Variants in RBM38 observed in about 807,000 individuals in gnomAD.
The protein encoded by RBM38 is RNA binding motif protein 38.
Under a neutral mutation model 23.5 loss-of-function variants are expected in RBM38, and 11 were observed. That is an observed-to-expected ratio of 0.47 (90% confidence interval 0.29 to 0.77). The LOEUF (loss-of-function observed/expected upper bound fraction) is 0.77. RBM38 is among the 30% of genes least tolerant of loss of function. The pLI is 0.08. For synonymous variants in RBM38, 165 were observed against 166.1 expected, an observed-to-expected ratio of 0.99 and a Z score of 0.05; for missense variants, 330 against 351.9, an observed-to-expected ratio of 0.94 and a Z score of 0.50.
At chr20:57,397,266 C>A (rs752804898) in intron 3 of RBM38, among the ~76,000 whole-genome samples, 4 of 152,212 alleles carry the variant, frequency 2.6e-5, no homozygotes, top group Non-Finnish European at 5.9e-5. Flanking sequence ...TGATTGATTA[C>A]CTGTGCAAAA....
At chr20:57,406,868 C>T (rs1481227254) in intron 3 of RBM38, among the ~76,000 whole-genome samples, 3 of 152,070 alleles carry the variant, frequency 2.0e-5, no homozygotes, top group Non-Finnish European at 4.4e-5. Flanking sequence ...GTGGCGGGCA[C>T]CTGTAGTCCC....
chr20:57,397,998 CAT>C (rs1377326690), intron 3 of RBM38, among the ~76,000 whole-genome samples: 1 of 152,130 alleles, frequency 6.6e-6, no homozygotes, highest in Non-Finnish European at 1.5e-5. Flanking sequence ...CTACACATGA[CAT>C]GTAAGAATGT....
In RBM38 at chr20:57,391,731, C is replaced by G; in HGVS notation, c.150C>G (p.Leu50=). The change falls in exon 1 of 4, where the codon CTC becomes CTG. Residue 50 remains leucine (L), a synonymous_variant. Coordinates refer to ENST00000356208, the MANE Select transcript of RBM38 (RefSeq NM_017495.6). The stretch of plus-strand genomic sequence containing the variant: ...CGTACCACACTACCGACGCCTCGCT[C>G]AGGAAGTACTTCGAGGGCTTCGGCG... ...GLPYHTTDAS[L]RKYFEGFGDI... 1 of 1,561,394 alleles carries G rather than the reference C, an allele frequency of 6.4e-7. No individual in the cohort carries two copies.
chr20:57,395,525 C>CT (rs958607276), intron 3 of RBM38, among the ~76,000 whole-genome samples: 4 of 152,214 alleles, frequency 2.6e-5, no homozygotes, highest in African/African-American at 9.7e-5. Flanking sequence ...GCCGCAGACT[C>CT]TATTTGTTGG....
rs894373349 is a variant in RBM38, at chr20:57,393,604, A to G, written c.416+271A>G. ...GTGTGGCCTCAGTTTCCTCACCCGTAAAATGGGAGTGGTCACAGCACATCT... is the reference window on the plus strand; with the variant it reads ...GTGTGGCCTCAGTTTCCTCACCCGTGAAATGGGAGTGGTCACAGCACATCT... On this transcript the variant is annotated intron_variant, in intron 3 of 3. Coordinates refer to ENST00000356208, the MANE Select transcript of RBM38 (RefSeq NM_017495.6). 2.6e-5 allele frequency among the ~76,000 whole-genome samples: 4 copies of G among 152,194 alleles called. No homozygotes were observed. The South Asian group carries it at 8.3e-4, about 31-fold the overall frequency.
At chr20:57,405,175 G>T (rs970636717) in intron 3 of RBM38, among the ~76,000 whole-genome samples, 4 of 152,212 alleles carry the variant, frequency 2.6e-5, no homozygotes, top group African/African-American at 9.7e-5. Context: ...ACAGCCCTCT[G>T]CTGTCTTGAC....
chr20:57,404,150 G>A (rs6025535), intron 3 of RBM38, among the ~76,000 whole-genome samples: 4,720 of 152,276 alleles, frequency 0.031, 225 homozygotes, highest in African/African-American at 0.1. Context: ...ATCAGAACCC[G>A]ATAGAAATGA....
rs571965366 is a variant in RBM38, at chr20:57,407,989, C to G, written c.*143C>G. 1 of 970,226 alleles carries G rather than the reference C, an allele frequency of 1.0e-6. No individual in the cohort carries two copies. Among genetic ancestry groups the G allele is most frequent in the Admixed American group, 2.7e-5 (1 of 37,314 alleles). 60.1% of individuals were successfully genotyped at this position (970,226 alleles called of 1,614,324 possible). A position where few individuals can be genotyped will look rare whatever the true frequency, so the allele number is the denominator to read the frequency against. On this transcript the variant is annotated 3_prime_UTR_variant, in exon 4 of 4. Transcript: ENST00000356208. This position sits in a 1 kb window ranked among gnomAD's most constrained non-coding sequence, Gnocchi z 4.0. Reference sequence around the variant, plus strand: ...TGCCTCCGAAGACCGCTCGGGCATTCCGCCTGCGCCCTGGGACAGCGGAGA... The same window carrying G: ...TGCCTCCGAAGACCGCTCGGGCATTGCGCCTGCGCCCTGGGACAGCGGAGA...
At chr20:57,397,322 A>G (rs1485641385) in intron 3 of RBM38, among the ~76,000 whole-genome samples, 1 of 152,240 alleles carries the variant, frequency 6.6e-6, no homozygotes, top group Non-Finnish European at 1.5e-5. Context: ...CACACATCCC[A>G]GGATGGTGGG....
intron 3 of RBM38, among the ~76,000 whole-genome samples, chr20:57,400,881 T>G (rs999510053): frequency 6.6e-6 from 1 of 152,186 alleles, no homozygotes; most frequent in South Asian, 2.1e-4. Flanking sequence ...TCCTTTGAGG[T>G]TACAGCTGGG....
At position 57,399,541 on chromosome 20, in the gene RBM38, CTG is replaced by C. The variant is rs1321030461; in HGVS notation, c.416+6209_416+6210del. ...AAATGGGAGATGGGCTTGGCCCTGA[CTG>C]GGGTGGAGGCAGCTGTGCAGTACAG... On this transcript the variant is annotated intron_variant, in intron 3 of 3. Transcript: ENST00000356208. Among the ~76,000 whole-genome samples the C allele has an allele frequency of 3.9e-5, 6 of 152,300 alleles. No individual in the cohort carries two copies. In the East Asian group the frequency reaches 1.2e-3, roughly 29 times the overall value.
In RBM38 at chr20:57,392,783, A is replaced by G; in HGVS notation, c.361+6A>G. ...GCCGCGGAGCCTCCAGACGGGTGAG[A>G]GCTTGTGTTTTCCTGCCTGGCTCTT... On this transcript the variant is annotated splice_donor_region_variant and intron_variant, in intron 2 of 3. Coordinates refer to ENST00000356208, the MANE Select transcript of RBM38 (RefSeq NM_017495.6). 2.5e-6 allele frequency: 4 copies of G among 1,610,628 alleles called. No individual in the cohort carries two copies. Among genetic ancestry groups the G allele is most frequent in the Non-Finnish European group, 3.4e-6 (4 of 1,179,118 alleles).
intron 1 of RBM38, among the ~76,000 whole-genome samples, chr20:57,392,071 G>C (rs1382550678): frequency 7.8e-6 from 1 of 128,228 alleles, no homozygotes; most frequent in Admixed American, 9.1e-5. Flanking sequence ...GAGCCGCTGT[G>C]TTCAATTAGG....
Position 57,391,682 on chromosome 20 carries a change from C to T in RBM38, c.101C>T (p.Thr34Ile), listed in dbSNP as rs1195836860. 1.3e-6 allele frequency: 2 copies of T among 1,514,442 alleles called. No homozygotes were observed. The highest frequency in any genetic ancestry group is 1.8e-6 in the Non-Finnish European group (2 of 1,128,714). 93.8% of individuals were successfully genotyped at this position (1,514,442 alleles called of 1,614,324 possible). ...MHGSQKDTTFTKIFVGGLPYH... is the reference protein window; with the variant it reads ...MHGSQKDTTFIKIFVGGLPYH... ...GGCTCGCAGAAGGACACCACGTTCA[C>T]CAAGATCTTCGTGGGCGGCCTGCCG... The change falls in exon 1 of 4, where the codon ACC becomes ATC. Residue 34 changes from threonine to isoleucine, a missense_variant. Thr to Ile is a moderately conservative substitution (Grantham distance 89). Coordinates refer to ENST00000356208, the MANE Select transcript of RBM38 (RefSeq NM_017495.6).
rs368322258 is a variant in RBM38, at chr20:57,407,733, G to A, written c.607G>A (p.Val203Met). The change falls in exon 4 of 4, where the codon GTG becomes ATG. Residue 203 changes from valine to methionine, a missense_variant. Physicochemically the swap from Val to Met is conservative, Grantham distance 21. Around this residue, in one of 3 missense-constraint regions of RBM38, gnomAD observed 227 missense variants for 216.4 expected, o/e 1.05. Transcript: ENST00000356208. The surrounding 1 kb of genome is among the most constrained non-coding windows in gnomAD (Gnocchi z 4.0). ...AASPATAASFVGYSYPAAVPQ... is the reference protein window; with the variant it reads ...AASPATAASFMGYSYPAAVPQ... The stretch of plus-strand genomic sequence containing the variant: ...CTCGCCTGCCACGGCTGCCAGCTTC[G>A]TGGGCTACAGCTACCCTGCCGCCGT... 5.2e-5 allele frequency: 84 copies of A among 1,611,522 alleles called. No homozygotes were observed. The African/African-American group carries it at 7.7e-4, about 15-fold the overall frequency.
chr20:57,396,890 G>T (rs1332859351), intron 3 of RBM38, among the ~76,000 whole-genome samples: 2 of 152,224 alleles, frequency 1.3e-5, no homozygotes, highest in East Asian at 1.9e-4. Context: ...AGTACGAACT[G>T]CCTCTGTCTT....
chr20:57,402,114 T>G (rs1016183637), intron 3 of RBM38, among the ~76,000 whole-genome samples: 3 of 151,944 alleles, frequency 2.0e-5, no homozygotes, highest in Admixed American at 1.3e-4. Context: ...CGCCCAGCTA[T>G]TTTTGTATTT....
At chr20:57,404,313 C>G (rs1488610862) in intron 3 of RBM38, among the ~76,000 whole-genome samples, 1 of 152,284 alleles carries the variant, frequency 6.6e-6, no homozygotes, top group Non-Finnish European at 1.5e-5. Context: ...CCCCATCTGC[C>G]TTTGCAGTCT....
At chr20:57,399,843 T>C (rs1202512963) in intron 3 of RBM38, 1 of 455,702 alleles carries the variant, frequency 2.2e-6, no homozygotes, top group Non-Finnish European at 4.4e-6. Flanking sequence ...AGAGCTGCGG[T>C]CCGTCTCTGC....
Sources: allele counts gnomAD v4.1 joint callset (sites outside exome capture counted in the v4.1 genomes callset), GRCh38; gene constraint gnomAD v4.1.1; regional missense constraint gnomAD v4.1.1; non-coding constraint Gnocchi (gnomAD v3.1); transcripts MANE v1.5; gene names NCBI Gene and HGNC (gene_info 2026-07-23, HGNC 2026-07-21).